The following AGBL1 variants were observed in gnomAD, a reference collection of about 807,000 sequenced individuals.
The protein encoded by AGBL1 is cytosolic carboxypeptidase 4.
A neutral mutation model predicts 118.9 loss-of-function variants in AGBL1; 130 were observed. The ratio of observed to expected loss-of-function variants is 1.09; its 90% CI spans 0.95 to 1.26. AGBL1 has a LOEUF of 1.26. Ranked by LOEUF, AGBL1 falls within the 50% of genes most tolerant of loss-of-function variation. AGBL1 has a pLI of 0.00. For synonymous variants in AGBL1, 555 were observed against 478.9 expected (o/e 1.16, Z -2.08); for missense variants, 1,584 against 1,298.1 (o/e 1.22, Z -3.38).
chr15:86,367,896 G>A (rs1043835576), intron 17 of AGBL1, among the ~76,000 whole-genome samples: 1 of 152,144 alleles, frequency 6.6e-6, no homozygotes, highest in Admixed American at 6.5e-5. Flanking sequence ...GGCTTGCTGG[G>A]CTCTAAGACT....
rs75524591 is a variant in AGBL1 at position 86,181,982 on chromosome 15, G to T, written c.488+22956G>T. On this transcript the variant is annotated intron_variant, in intron 5 of 22. Coordinates refer to ENST00000614907, the MANE Select transcript of AGBL1 (RefSeq NM_001386094.1). ...GCATTCATTCATTCAAAAAGGAATT[G>T]AGGGGAGTTTTGACAGATGAACTAG... Among the ~76,000 whole-genome samples, 571 of 152,090 alleles carry T rather than the reference G, an allele frequency of 3.8e-3. 4 individuals are homozygous for T. Among genetic ancestry groups the T allele is most frequent in the African/African-American group, 0.013 (548 of 41,552 alleles).
chr15:86,964,616 GCTT>G (rs1228644566), intron 23 of AGBL1, among the ~76,000 whole-genome samples: 2 of 151,496 alleles, frequency 1.3e-5, no homozygotes, highest in African/African-American at 2.4e-5. Context: ...GGTCACTTCT[GCTT>G]CTAAAAGAAA....
intron 24 of AGBL1, among the ~76,000 whole-genome samples, chr15:86,991,769 C>T (rs527441798): frequency 6.6e-6 from 1 of 152,276 alleles, no homozygotes; most frequent in Admixed American, 6.5e-5. Flanking sequence ...CTCACACATT[C>T]TGGTCAATAG....
intron 18 of AGBL1, among the ~76,000 whole-genome samples, chr15:86,430,319 A>G (rs1176356137): frequency 6.6e-6 from 1 of 151,672 alleles, no homozygotes; most frequent in African/African-American, 2.4e-5. Flanking sequence ...ACACGGTGAA[A>G]CCCCATCTCT....
chr15:86,292,677 G>A (rs1168661844), intron 16 of AGBL1, among the ~76,000 whole-genome samples: 1 of 152,096 alleles, frequency 6.6e-6, no homozygotes, highest in South Asian at 2.1e-4. Flanking sequence ...TTAATGTGGG[G>A]GCATTGATTA....
intron 18 of AGBL1, among the ~76,000 whole-genome samples, chr15:86,489,702 C>G (rs1356500121): frequency 6.6e-6 from 1 of 152,088 alleles, no homozygotes; most frequent in Non-Finnish European, 1.5e-5. Context: ...GCGGAGCTAA[C>G]TAGTTGTGAG....
At chr15:86,587,582 G>A (rs373161416) in intron 21 of AGBL1, among the ~76,000 whole-genome samples, 3 of 152,312 alleles carry the variant, frequency 2.0e-5, no homozygotes, top group East Asian at 1.9e-4. Flanking sequence ...AGGCATAAAG[G>A]CCAAGTGGCA....
At chr15:86,416,883 T>C (rs1288983328) in intron 18 of AGBL1, among the ~76,000 whole-genome samples, 1 of 152,228 alleles carries the variant, frequency 6.6e-6, no homozygotes, top group Non-Finnish European at 1.5e-5. Flanking sequence ...TTTCCTGGCA[T>C]AGATAAGATC....
chr15:86,608,547 A>C (rs143701491), intron 21 of AGBL1, among the ~76,000 whole-genome samples: 5 of 152,318 alleles, frequency 3.3e-5, no homozygotes, highest in Non-Finnish European at 7.3e-5. Context: ...AGAGGCATAA[A>C]GTGGTAGAGG....
At chr15:86,215,682 G>T (rs2078176691) in intron 5 of AGBL1, among the ~76,000 whole-genome samples, 1 of 152,130 alleles carries the variant, frequency 6.6e-6, no homozygotes, top group South Asian at 2.1e-4. Flanking sequence ...CTGTAAAATG[G>T]CGATTGTTAT....
intron 1 of AGBL1, among the ~76,000 whole-genome samples, chr15:86,090,010 A>G (rs910093514): frequency 6.6e-6 from 1 of 152,162 alleles, no homozygotes; most frequent in Non-Finnish European, 1.5e-5. Flanking sequence ...AACCCCTCAC[A>G]TTTGTCGAGT....
intron 23 of AGBL1, among the ~76,000 whole-genome samples, chr15:86,940,586 A>G (rs1331552357): frequency 3.3e-5 from 5 of 152,240 alleles, no homozygotes; most frequent in African/African-American, 1.2e-4. Context: ...CTAAGTGCAC[A>G]CACAAGGGCC....
At chr15:86,935,524 C>T (rs2080659625) in intron 23 of AGBL1, among the ~76,000 whole-genome samples, 1 of 152,170 alleles carries the variant, frequency 6.6e-6, no homozygotes, top group Non-Finnish European at 1.5e-5. Flanking sequence ...CTGGGGCACA[C>T]AGCCTTCTTC....
chr15:86,563,145 C>G (rs537148000), intron 21 of AGBL1, among the ~76,000 whole-genome samples: 23 of 152,290 alleles, frequency 1.5e-4, no homozygotes, highest in African/African-American at 5.1e-4. Context: ...CTATCTCCTT[C>G]AGTTCTACTC....
intron 21 of AGBL1, among the ~76,000 whole-genome samples, chr15:86,602,310 G>C (rs60238690): frequency 6.6e-6 from 1 of 152,064 alleles, no homozygotes; most frequent in African/African-American, 2.4e-5. Context: ...TGATTATTAC[G>C]TGAAGTGCTC....
At chr15:86,869,985 T>A (rs898066537) in intron 22 of AGBL1, among the ~76,000 whole-genome samples, 1 of 152,180 alleles carries the variant, frequency 6.6e-6, no homozygotes, top group Non-Finnish European at 1.5e-5. Flanking sequence ...CCCGCAAGTT[T>A]CCATTTTGAA....
intron 21 of AGBL1, among the ~76,000 whole-genome samples, chr15:86,585,298 G>C (rs1193827483): frequency 6.6e-6 from 1 of 152,118 alleles, no homozygotes; most frequent in Non-Finnish European, 1.5e-5. Context: ...AAGATAGAAT[G>C]CTGGCCAAAG....
intron 22 of AGBL1, among the ~76,000 whole-genome samples, chr15:86,880,635 G>A (rs1190577771): frequency 6.6e-6 from 1 of 152,174 alleles, no homozygotes; most frequent in Non-Finnish European, 1.5e-5. Context: ...TGTGAATTGT[G>A]TGCATGTGTG....
intron 21 of AGBL1, among the ~76,000 whole-genome samples, chr15:86,584,143 A>C (rs1213770369): frequency 6.6e-6 from 1 of 151,088 alleles, no homozygotes; most frequent in Non-Finnish European, 1.5e-5. Context: ...TTGTCTGTTG[A>C]CTCTTTTGAT....
Sources: allele counts gnomAD v4.1 joint callset (sites outside exome capture counted in the v4.1 genomes callset), GRCh38; gene constraint gnomAD v4.1.1; transcripts MANE v1.5; gene names NCBI Gene and HGNC (gene_info 2026-07-23, HGNC 2026-07-21).